AKR1C4: variants seen among roughly 807,000 people sequenced by gnomAD.
AKR1C4 encodes the protein 3-alpha-HSD1.
A neutral mutation model predicts 41.0 loss-of-function variants in AKR1C4; 44 were observed. The ratio of observed to expected loss-of-function variants is 1.07; its 90% CI spans 0.84 to 1.38. AKR1C4 has a LOEUF of 1.38. Ranked by LOEUF, AKR1C4 falls within the 40% of genes most tolerant of loss-of-function variation. The pLI is 0.00. For synonymous variants in AKR1C4, 165 were observed against 137.7 expected, an observed-to-expected ratio of 1.20 and a Z score of -1.39; for missense variants, 438 against 387.9, an observed-to-expected ratio of 1.13 and a Z score of -1.09.
chr10:5,202,935 TC>T (rs147644597), intron 2 of AKR1C4, among the ~76,000 whole-genome samples: 22,029 of 115,476 alleles, frequency 0.19, 1,726 homozygotes, highest in Admixed American at 0.25. Flanking sequence ...TCTATAGTTT[TC>T]TTTTGTGTGT....
intron 2 of AKR1C4, among the ~76,000 whole-genome samples, 177 bp downstream of exon 2, chr10:5,200,525 A>G (rs564755793): frequency 2.4e-3 from 361 of 152,322 alleles, no homozygotes; most frequent in African/African-American, 8.3e-3. Context: ...TGCCTTTCTC[A>G]TCATTGTTGT....
At chr10:5,205,597 A>G (rs1396980544) in intron 3 of AKR1C4, among the ~76,000 whole-genome samples, 160 bp from the exon 4 acceptor site, 3 of 152,216 alleles carry the variant, frequency 2.0e-5, no homozygotes, top group Admixed American at 2.0e-4. Context: ...TCCTAAAGAC[A>G]TTCCTTAAAA....
intron 1 of AKR1C4, 39 bp downstream of exon 1, chr10:5,196,990 C>A (rs1554796384): frequency 6.3e-7 from 1 of 1,592,704 alleles, no homozygotes; most frequent in Admixed American, 1.7e-5. Context: ...TTTAAAAGAG[C>A]AAAGCTAGAA....
chr10:5,205,135 G>A (rs17134533), intron 3 of AKR1C4, among the ~76,000 whole-genome samples: 17,197 of 152,200 alleles, frequency 0.11, 1,187 homozygotes, highest in Admixed American at 0.17. Context: ...AAGATTTGAC[G>A]TAGACTCTAA....
intron 1 of AKR1C4, among the ~76,000 whole-genome samples, chr10:5,199,085 G>A (rs569783315): frequency 1.3e-5 from 2 of 152,142 alleles, no homozygotes; most frequent in African/African-American, 2.4e-5. Flanking sequence ...TGAATCTGAG[G>A]TTGTTGTTGG....
At chr10:5,217,409 TG>T (rs1832671924) in intron 8 of AKR1C4, among the ~76,000 whole-genome samples, 1 of 152,242 alleles carries the variant, frequency 6.6e-6, no homozygotes, top group South Asian at 2.1e-4. Context: ...CTTTAATTTT[TG>T]CAATATGGAA....
At chr10:5,212,792 T>C (rs1402959272) in intron 6 of AKR1C4, 67 bp downstream of exon 6, 2 of 1,526,178 alleles carry the variant, frequency 1.3e-6, no homozygotes, top group Non-Finnish European at 1.8e-6. Context: ...TATAGCATAC[T>C]CAGTCTCCTA....
intron 1 of AKR1C4, among the ~76,000 whole-genome samples, chr10:5,199,371 G>A (rs1206051299): frequency 2.0e-5 from 3 of 151,830 alleles, no homozygotes; most frequent in Non-Finnish European, 2.9e-5. Flanking sequence ...AGGAGGACGT[G>A]GTCCCTGGCT....
At position 5,216,691 on chromosome 10, in the gene AKR1C4, A is replaced by G. The variant is rs1354028819; in HGVS notation, c.847-20A>G. 3 of 1,582,056 alleles carry G rather than the reference A, an allele frequency of 1.9e-6. No homozygotes were observed. Among genetic ancestry groups the G allele is most frequent in the Non-Finnish European group, 2.6e-6 (3 of 1,153,430 alleles). On this transcript the variant is annotated intron_variant, in intron 7 of 8. Transcript: ENST00000263126. ...ACAATTATGCAATCTAAGAATAAAC[A>G]TTTTCTACTTCTTTGGTAGGTTTTT...
At chr10:5,206,190 T>C in intron 4 of AKR1C4, 85 bp from the exon 5 acceptor site, 2 of 1,590,422 alleles carry the variant, frequency 1.3e-6, no homozygotes, top group South Asian at 1.1e-5. Flanking sequence ...ATCTTAACAG[T>C]TGTTGCTTTA....
chr10:5,211,052 C>G (rs1554797882), intron 5 of AKR1C4, among the ~76,000 whole-genome samples: 1 of 152,208 alleles, frequency 6.6e-6, no homozygotes, highest in African/African-American at 2.4e-5. Flanking sequence ...GATTGAGATG[C>G]AGGGCACCAA....
At position 5,200,268 on chromosome 10, in the gene AKR1C4, G is replaced by A. The variant is rs782431356; in HGVS notation, c.172G>A (p.Glu58Lys). 109 of 1,614,068 alleles carry A rather than the reference G, an allele frequency of 6.8e-5. No homozygotes were observed. Among genetic ancestry groups the A allele is most frequent in the Admixed American group, 1.3e-4 (8 of 60,016 alleles). ...HIDSAYLYNN[E>K]EQVGLAIRSK... ...TGATTCTGCTTATTTATACAATAAT[G>A]AGGAGCAGGTTGGACTGGCCATCCG... Residue 58 changes from glutamate to lysine, a missense_variant, in exon 2 of 9, where the codon GAG (glutamate) becomes AAG (lysine). Transcript: ENST00000263126.
At chr10:5,202,503 C>A (rs782175587) in intron 2 of AKR1C4, 4 of 455,282 alleles carry the variant, frequency 8.8e-6, no homozygotes, top group Non-Finnish European at 1.8e-5. Flanking sequence ...ATTTTTTTTA[C>A]CTTGCCTGAT....
intron 2 of AKR1C4, among the ~76,000 whole-genome samples, chr10:5,203,047 C>T (rs572782657): frequency 6.8e-6 from 1 of 146,818 alleles, no homozygotes; most frequent in African/African-American, 2.5e-5. Flanking sequence ...GGCAGGATTC[C>T]CTCTTTCTCT....
intron 8 of AKR1C4, 81 bp from the exon 9 acceptor site, chr10:5,218,637 C>A: frequency 9.0e-7 from 1 of 1,111,778 alleles, no homozygotes; most frequent in Non-Finnish European, 1.4e-6. Context: ...CTAATGGCAG[C>A]TTCATATAAA....
At position 5,213,048 on chromosome 10, in the gene AKR1C4, A is replaced by G. The variant is rs1554798107; in HGVS notation, c.735A>G (p.Ala245=). The G allele has an allele frequency of 5.0e-6, 8 of 1,614,138 alleles. No individual in the cohort carries two copies. The highest frequency in any genetic ancestry group is 3.3e-5 in the South Asian group (3 of 91,080). ...LLEDPVLCAL[A]KKHKQTPALI... The stretch of plus-strand genomic sequence containing the variant: ...AGGACCCAGTTCTTTGTGCCTTAGC[A>G]AAGAAACACAAACAAACCCCAGCCC... Residue 245 remains alanine, a synonymous_variant, in exon 7 of 9, where the codon GCA becomes GCG. Transcript: ENST00000263126.
intron 8 of AKR1C4, 117 bp from the exon 9 acceptor site, chr10:5,218,601 C>T (rs993670186): frequency 1.9e-5 from 14 of 721,258 alleles, no homozygotes; most frequent in African/African-American, 5.3e-5. Flanking sequence ...ACAAATAGTC[C>T]GAAAATAAAC....
Position 5,212,582 on chromosome 10 carries a change from T to TTA in AKR1C4, c.571-32_571-31dup, listed in dbSNP as rs782040435. On this transcript the variant is annotated intron_variant, in intron 5 of 8. Coordinates refer to ENST00000263126, the MANE Select transcript of AKR1C4 (RefSeq NM_001818.5). ...TTTATATTAACATATCTGTTTTGAA[T>TTA]TATCTGATGCTTTTCTCTCTTGATC... The TTA allele has an allele frequency of 9.6e-6, 15 of 1,559,636 alleles. No individual in the cohort carries two copies. The Admixed American group carries it at 2.7e-4, about 28-fold the overall frequency.
intron 5 of AKR1C4, among the ~76,000 whole-genome samples, chr10:5,211,145 G>A (rs1255532057): frequency 6.6e-6 from 1 of 152,064 alleles, no homozygotes; most frequent in African/African-American, 2.4e-5. Context: ...CCTCCCTCTG[G>A]GCCTGTGATG....
Sources: allele counts gnomAD v4.1 joint callset (sites outside exome capture counted in the v4.1 genomes callset), GRCh38; gene constraint gnomAD v4.1.1; transcripts MANE v1.5; gene names NCBI Gene and HGNC (gene_info 2026-07-23, HGNC 2026-07-21).